Variants in SPG11 observed in about 807,000 individuals in gnomAD.
SPG11 encodes the protein spatacsin.
A neutral mutation model predicts 274.0 loss-of-function variants in SPG11; 222 were observed. The ratio of observed to expected loss-of-function variants is 0.81; its 90% confidence interval spans 0.73 to 0.91. The LOEUF (loss-of-function observed/expected upper bound fraction) is 0.91. Ranked by LOEUF, SPG11 falls within the 40% of genes least tolerant of loss-of-function variation. SPG11 has a pLI of 0.00. For synonymous variants in SPG11, 1,144 were observed against 1,039.7 expected (o/e 1.10, Z -1.93); for missense variants, 3,114 against 2,872.7 (o/e 1.08, Z -1.92).
At position 44,563,049 on chromosome 15, in the gene SPG11, A is replaced by G. The variant is rs2082224627; in HGVS notation, c.*72T>C. 7.5e-6 allele frequency: 11 copies of G among 1,465,410 alleles called. No homozygotes were observed. The highest frequency in any genetic ancestry group is 4.6e-5 in the South Asian group (4 of 87,380). The allele number at this position is 1,465,410 out of a possible 1,614,324, so 90.8% of individuals were successfully genotyped here. A position where few individuals can be genotyped will look rare whatever the true frequency, so the allele number is the denominator to read the frequency against. On this transcript the variant is annotated 3_prime_UTR_variant, in exon 40 of 40. Coordinates refer to ENST00000261866, the MANE Select transcript of SPG11 (RefSeq NM_025137.4). ...TGTTCAACTTTAGCAAAGATCTCCA[A>G]TGCATTCTTCTTCTCATCACATCTG...
Position 44,615,505 on chromosome 15 carries a change from G to A in SPG11, c.2896C>T (p.Arg966Cys), listed in dbSNP as rs771538317. Reference protein sequence around the residue: ...DFECFLLRLSRIGGVIQDTLP... With the variant: ...DFECFLLRLSCIGGVIQDTLP... Reference sequence around the variant, plus strand: ...GTATCCTGTATTACACCTCCAATACGGCTCAGTCTTAGGAGGAAGCATTCA... The same window carrying A: ...GTATCCTGTATTACACCTCCAATACAGCTCAGTCTTAGGAGGAAGCATTCA... Residue 966 changes from arginine to cysteine, a missense_variant, in exon 16 of 40, where the codon CGT becomes TGT. Coordinates refer to ENST00000261866, the MANE Select transcript of SPG11 (RefSeq NM_025137.4). 5.0e-6 allele frequency: 8 copies of A among 1,613,980 alleles called. No individual in the cohort carries two copies. Among genetic ancestry groups the A allele is most frequent in the African/African-American group, 2.7e-5 (2 of 74,994 alleles).
chr15:44,572,902 T>C (rs1005363679), intron 32 of SPG11, 82 bp from the exon 33 acceptor site: 2 of 1,437,838 alleles, frequency 1.4e-6, no homozygotes, highest in Non-Finnish European at 2.0e-6. Flanking sequence ...CAGGAGGTAA[T>C]GCTTATGGAG....
In SPG11 at chr15:44,663,588, C is replaced by T. The variant is rs544136842; in HGVS notation, c.60G>A (p.Ala20=). 3.0e-5 allele frequency: 48 copies of T among 1,596,660 alleles called. No individual in the cohort carries two copies. The African/African-American group carries it at 4.7e-4, about 16-fold the overall frequency. ...GCATCGGTAGAACCCGCCCCATGGC[C>T]GCGGTGCCCCAGCTACCGCCGGCGG... is the stretch of plus-strand genomic sequence containing the variant. ...AASAGGSWGT[A]AMGRVLPMLL... is the part of the protein sequence containing the mutation. Residue 20 remains alanine, a synonymous_variant, in exon 1 of 40, where the codon GCG becomes GCA. Transcript: ENST00000261866.
intron 7 of SPG11, among the ~76,000 whole-genome samples, chr15:44,639,016 G>A (rs1055959806): frequency 6.6e-6 from 1 of 151,290 alleles, no homozygotes; most frequent in African/African-American, 2.4e-5. Flanking sequence ...AATAATAATA[G>A]TAACTATTAT....
At chr15:44,614,808 T>G (rs1224560712) in intron 16 of SPG11, among the ~76,000 whole-genome samples, 2 of 152,234 alleles carry the variant, frequency 1.3e-5, no homozygotes, top group South Asian at 2.1e-4. Context: ...TATTAAAGAC[T>G]ACTTCTATTG....
chr15:44,589,407 G>A lies in SPG11; in HGVS notation c.4751C>T (p.Thr1584Ile). The A allele has an allele frequency of 1.2e-6, 2 of 1,614,088 alleles. No individual in the cohort carries two copies. The highest frequency in any genetic ancestry group is 4.5e-5 in the East Asian group (2 of 44,886). Residue 1584 changes from threonine (T) to isoleucine (I), a missense_variant, in exon 28 of 40, where the codon ACA becomes ATA. Coordinates refer to ENST00000261866, the MANE Select transcript of SPG11 (RefSeq NM_025137.4). The stretch of plus-strand genomic sequence containing the variant: ...GACAGGGTGGACCTTTGTGGCTGCT[G>A]TGTTAAGCTATGAAAGAAAAAGAGA... ...EFQKSLETLN[T>I]AATKVHPVIP...
Position 44,573,707 on chromosome 15 carries a change from A to T in SPG11, c.6045T>A (p.Asp2015Glu). 1 of 1,614,230 alleles carries T rather than the reference A, an allele frequency of 6.2e-7. No individual in the cohort carries two copies. The highest frequency in any genetic ancestry group is 1.7e-5 in the Admixed American group (1 of 60,024). Reference sequence around the variant, plus strand: ...AGATTTTCCGGAGCATGGCTTCACCATCCTGAGCAGCAACATCTGTGTAGG... The same window carrying T: ...AGATTTTCCGGAGCATGGCTTCACCTTCCTGAGCAGCAACATCTGTGTAGG... ...GCSYTDVAAQ[D>E]GEAMLRKILA... Residue 2015 changes from aspartate to glutamate, a missense_variant, in exon 32 of 40, where the codon GAT becomes GAA. By Grantham distance (45) the Asp-to-Glu change is conservative. Transcript: ENST00000261866.
chr15:44,623,052 G>A (rs1454313150), intron 11 of SPG11, among the ~76,000 whole-genome samples: 1 of 152,110 alleles, frequency 6.6e-6, no homozygotes, highest in East Asian at 1.9e-4. Flanking sequence ...GGCTCAAAGC[G>A]ATCCTACCAA....
intron 7 of SPG11, among the ~76,000 whole-genome samples, chr15:44,644,984 T>C (rs2084564559): frequency 6.6e-6 from 1 of 152,240 alleles, no homozygotes; most frequent in African/African-American, 2.4e-5. Context: ...ATTGTTAAAA[T>C]GGTCATACTG....
Position 44,562,822 on chromosome 15 carries a change from C to A in SPG11, c.*299G>T, listed in dbSNP as rs774245742. On this transcript the variant is annotated 3_prime_UTR_variant, in exon 40 of 40. Coordinates refer to ENST00000261866, the MANE Select transcript of SPG11 (RefSeq NM_025137.4). ...ACTGGAATCTGCAGGTACAGGTATT[C>A]TTTAATCATTATTGGATCATCTAAA... 13 of 308,546 alleles carry A rather than the reference C, an allele frequency of 4.2e-5. No homozygotes were observed. The highest frequency in any genetic ancestry group is 6.1e-5 in the Non-Finnish European group (10 of 164,348). 19.1% of individuals were successfully genotyped at this position (308,546 alleles called of 1,614,324 possible).
chr15:44,570,878 G>A (rs1452450472), intron 33 of SPG11, among the ~76,000 whole-genome samples: 1 of 152,150 alleles, frequency 6.6e-6, no homozygotes, highest in Non-Finnish European at 1.5e-5. Context: ...AATCCTCAAA[G>A]ACAATCATGT....
At chr15:44,640,689 T>C (rs1026561741) in intron 7 of SPG11, among the ~76,000 whole-genome samples, 1 of 152,178 alleles carries the variant, frequency 6.6e-6, no homozygotes, top group African/African-American at 2.4e-5. Flanking sequence ...ACTTAATATA[T>C]GACACTCAAG....
intron 7 of SPG11, among the ~76,000 whole-genome samples, chr15:44,637,457 T>C (rs968471410): frequency 2.0e-5 from 3 of 152,064 alleles, no homozygotes; most frequent in Admixed American, 6.6e-5. Flanking sequence ...GGACTATAGG[T>C]GTGAGCCACC....
chr15:44,631,440 T>A (rs148692776), intron 8 of SPG11, among the ~76,000 whole-genome samples: 17 of 152,192 alleles, frequency 1.1e-4, no homozygotes, highest in Non-Finnish European at 8.8e-5. Context: ...ATTGGTTTTA[T>A]TGCAACTCTA....
Position 44,589,267 on chromosome 15 carries a change from GCT to G in SPG11, c.4889_4890del (p.Glu1630AlafsTer5), listed in dbSNP as rs1400353604. 1 of 1,613,680 alleles carries G rather than the reference GCT, an allele frequency of 6.2e-7. No homozygotes were observed. Among genetic ancestry groups the G allele is most frequent in the African/African-American group, 1.3e-5 (1 of 74,912 alleles). On this transcript the variant is annotated frameshift_variant, in exon 28 of 40. Transcript: ENST00000261866. LOFTEE classifies it high-confidence loss of function. Reference sequence around the variant, plus strand: ...ATTGTCTTACCATCAGAGAAGAGATGCTCTCTTTCAACAAAGAGCTGTAAAAG... The same window carrying G: ...ATTGTCTTACCATCAGAGAAGAGATGCTCTTTCAACAAAGAGCTGTAAAAG... ...GKLLQLFVER[E>X]HLFSDGPDVK... is the part of the protein sequence containing the mutation.
chr15:44,596,786 C>G lies in SPG11; in HGVS notation c.4159G>C (p.Glu1387Gln), dbSNP rs1567149327. The G allele has an allele frequency of 6.3e-7, 1 of 1,593,436 alleles. No homozygotes were observed. ...ACTGCTAACAATTAGTGGCTTACCTCTGCTGGGTGGTAGTTGTGGAGTTGG... is the reference window on the plus strand; with the variant it reads ...ACTGCTAACAATTAGTGGCTTACCTGTGCTGGGTGGTAGTTGTGGAGTTGG... ...HSQLHNYHPAEVKSLIQYFSP... is the reference protein window; with the variant it reads ...HSQLHNYHPAQVKSLIQYFSP... The change falls in exon 24 of 40, where the codon GAG (glutamate) becomes CAG (glutamine). Residue 1387 changes from glutamate (E) to glutamine (Q), a missense_variant and splice_region_variant. Physicochemically the swap from Glu to Gln is conservative, Grantham distance 29. Coordinates refer to ENST00000261866, the MANE Select transcript of SPG11 (RefSeq NM_025137.4).
intron 32 of SPG11, 100 bp downstream of exon 32, chr15:44,573,447 A>G: frequency 7.9e-7 from 1 of 1,266,436 alleles, no homozygotes. Context: ...ACTTGAGAGA[A>G]CCACATACAG....
chr15:44,562,863 AG>A lies in SPG11; in HGVS notation c.*257del. On this transcript the variant is annotated 3_prime_UTR_variant, in exon 40 of 40. Transcript: ENST00000261866. ...ATCATCTAAAGTAGAAGCTGTCCTG[AG>A]GAAGAGGAAGCTTTTGATCTTAATA... 1 of 447,158 alleles carries A rather than the reference AG, an allele frequency of 2.2e-6. No homozygotes were observed. Among genetic ancestry groups the A allele is most frequent in the South Asian group, 2.6e-5 (1 of 38,580 alleles). 27.7% of individuals were successfully genotyped at this position (447,158 alleles called of 1,614,324 possible). A position where few individuals can be genotyped will look rare whatever the true frequency, so the allele number is the denominator to read the frequency against.
chr15:44,569,502 G>A lies in SPG11; in HGVS notation c.6481C>T (p.Arg2161Trp), dbSNP rs773954273. Residue 2161 changes from arginine (R) to tryptophan (W), a missense_variant, in exon 35 of 40, where the codon CGG (arginine) becomes TGG (tryptophan). Transcript: ENST00000261866. Reference protein sequence around the residue: ...APSEEYGLVVRLLTGIGRYNE... With the variant: ...APSEEYGLVVWLLTGIGRYNE... ...TACCTTCCAATGCCAGTGAGGAGCC[G>A]TACCTGTGAAGTGGGAGGACAGCTC... 101 of 1,584,698 alleles carry A rather than the reference G, an allele frequency of 6.4e-5. No individual in the cohort carries two copies. The highest frequency in any genetic ancestry group is 1.4e-4 in the Admixed American group (8 of 55,410).
Sources: allele counts gnomAD v4.1 joint callset (sites outside exome capture counted in the v4.1 genomes callset), GRCh38; gene constraint gnomAD v4.1.1; transcripts MANE v1.5; gene names NCBI Gene and HGNC (gene_info 2026-07-23, HGNC 2026-07-21).